UGT2A2: variants seen among roughly 807,000 people sequenced by gnomAD.
The protein encoded by UGT2A2 is UDP-glucuronosyltransferase 2A2.
Under a neutral mutation model 50.7 loss-of-function variants are expected in UGT2A2, and 60 were observed. The observed-to-expected ratio is 1.18, with a 90% confidence interval of 0.96 to 1.47. The LOEUF is 1.47. Among genes scored for constraint, UGT2A2 ranks in the 40% most tolerant of loss-of-function variants. UGT2A2 has a pLI of 0.00. For synonymous variants in UGT2A2, 242 were observed against 214.6 expected (o/e 1.13, Z -1.11); for missense variants, 762 against 634.0 (o/e 1.20, Z -2.17).
chr4:69,604,881 T>C (rs925593992), intron 1 of UGT2A2, among the ~76,000 whole-genome samples: 2 of 136,748 alleles, frequency 1.5e-5, no homozygotes, highest in African/African-American at 5.9e-5. Context: ...CTGTCCTAAA[T>C]ATATATGCAC....
chr4:69,590,559 G>A (rs560304730), intron 5 of UGT2A2, among the ~76,000 whole-genome samples: 57 of 152,054 alleles, frequency 3.7e-4, no homozygotes, highest in African/African-American at 1.3e-3. Context: ...TTAGGACTGG[G>A]GAATGGGGAA....
At chr4:69,617,164 A>T (rs1720452706) in intron 1 of UGT2A2, among the ~76,000 whole-genome samples, 1 of 151,946 alleles carries the variant, frequency 6.6e-6, no homozygotes, top group South Asian at 2.1e-4. Flanking sequence ...CACTTTCAAA[A>T]CTATAAAACA....
At chr4:69,630,535 AC>A (rs1721325747) in intron 1 of UGT2A2, among the ~76,000 whole-genome samples, 1 of 152,110 alleles carries the variant, frequency 6.6e-6, no homozygotes, top group Non-Finnish European at 1.5e-5. Flanking sequence ...ACTCTAAGCT[AC>A]TACAAATCAC....
In UGT2A2 at chr4:69,600,620, A is replaced by T. The variant is rs150354237; in HGVS notation, c.743-1226T>A. On this transcript the variant is annotated intron_variant, in intron 1 of 5. Transcript: ENST00000604629. ...ATAAAGAAATACTTGAAACTGAGTA[A>T]TTTATTTTTTTAAAAAGAGGTTTAA... 6.5e-3 allele frequency among the ~76,000 whole-genome samples: 990 copies of T among 152,206 alleles called. 14 individuals carry two copies. The highest frequency in any genetic ancestry group is 0.021 in the African/African-American group (867 of 41,528).
intron 1 of UGT2A2, among the ~76,000 whole-genome samples, chr4:69,609,226 C>A (rs1424266624): frequency 6.6e-6 from 1 of 151,146 alleles, no homozygotes; most frequent in Non-Finnish European, 1.5e-5. Flanking sequence ...CAACACAGCT[C>A]ACTGCAGCCT....
intron 1 of UGT2A2, among the ~76,000 whole-genome samples, chr4:69,618,461 T>A (rs1178498223): frequency 6.6e-6 from 1 of 151,940 alleles, no homozygotes; most frequent in East Asian, 1.9e-4. Flanking sequence ...AACACATTTC[T>A]AACTTTGTTT....
chr4:69,608,181 C>A (rs781219176), intron 1 of UGT2A2, among the ~76,000 whole-genome samples: 4 of 152,054 alleles, frequency 2.6e-5, no homozygotes, highest in African/African-American at 9.7e-5. Flanking sequence ...AAATGTCCAA[C>A]AATGATAGAC....
chr4:69,598,331 T>C (rs1472463905), intron 2 of UGT2A2, among the ~76,000 whole-genome samples: 1 of 152,166 alleles, frequency 6.6e-6, no homozygotes, highest in Non-Finnish European at 1.5e-5. Flanking sequence ...TAATAGCCTG[T>C]TTCCTCACTC....
intron 1 of UGT2A2, among the ~76,000 whole-genome samples, chr4:69,630,934 A>G (rs1721346249): frequency 6.6e-6 from 1 of 152,060 alleles, no homozygotes; most frequent in South Asian, 2.1e-4. Flanking sequence ...AGAATACACG[A>G]CTAAGTGGCA....
chr4:69,607,049 A>G (rs1377498227), intron 1 of UGT2A2, among the ~76,000 whole-genome samples: 2 of 119,554 alleles, frequency 1.7e-5, no homozygotes, highest in African/African-American at 3.5e-5. Context: ...GACTTTCTTC[A>G]CAGAATTGGA....
At chr4:69,601,560 C>T (rs1037421430) in intron 1 of UGT2A2, among the ~76,000 whole-genome samples, 1 of 152,158 alleles carries the variant, frequency 6.6e-6, no homozygotes, top group Admixed American at 6.6e-5. Context: ...TCTGCATGAC[C>T]TCAGCTATCA....
intron 1 of UGT2A2, among the ~76,000 whole-genome samples, chr4:69,618,014 T>A (rs1720500794): frequency 6.6e-6 from 1 of 151,982 alleles, no homozygotes; most frequent in Admixed American, 6.6e-5. Flanking sequence ...GAGAGAAAAT[T>A]TTCCAGGCCT....
At chr4:69,597,824 T>C (rs1719028838) in intron 2 of UGT2A2, among the ~76,000 whole-genome samples, 1 of 152,134 alleles carries the variant, frequency 6.6e-6, no homozygotes, top group Admixed American at 6.5e-5. Flanking sequence ...GTATTCTGTG[T>C]ACCCAGTGAT....
intron 1 of UGT2A2, among the ~76,000 whole-genome samples, chr4:69,631,079 C>G (rs147408123): frequency 6.6e-6 from 1 of 152,166 alleles, no homozygotes; most frequent in African/African-American, 2.4e-5. Context: ...ACACTACTTT[C>G]TCATTTGAAA....
At position 69,599,266 on chromosome 4, in the gene UGT2A2, G is replaced by T. The variant is rs767014856; in HGVS notation, c.871C>A (p.Pro291Thr). 2.5e-6 allele frequency: 4 copies of T among 1,613,424 alleles called. No homozygotes were observed. The African/African-American group carries it at 4.0e-5, about 16-fold the overall frequency. ...FEFVGGLHCKPAKPLPKEMEE... is the reference protein window; with the variant it reads ...FEFVGGLHCKTAKPLPKEMEE... ...CCTACCTTAGGTAAAGGTTTGGCAGGTTTGCAGTGCAATCCTCCAACAAAC... is the reference window on the plus strand; with the variant it reads ...CCTACCTTAGGTAAAGGTTTGGCAGTTTTGCAGTGCAATCCTCCAACAAAC... Residue 291 changes from proline to threonine, a missense_variant, in exon 2 of 6, where the codon CCT becomes ACT. By Grantham distance (38) the Pro-to-Thr change is conservative. Coordinates refer to ENST00000604629, the MANE Select transcript of UGT2A2 (RefSeq NM_001105677.2).
At position 69,636,935 on chromosome 4, in the gene UGT2A2, G is replaced by A. The variant is rs188359399; in HGVS notation, c.742+1964C>T. Among the ~76,000 whole-genome samples, 486 of 152,190 alleles carry A rather than the reference G, an allele frequency of 3.2e-3. 2 individuals are homozygous for A. Among genetic ancestry groups the A allele is most frequent in the Non-Finnish European group, 4.6e-3 (314 of 68,002 alleles). On this transcript the variant is annotated intron_variant, in intron 1 of 5. Coordinates refer to ENST00000604629, the MANE Select transcript of UGT2A2 (RefSeq NM_001105677.2). ...TAGCCAGTGGAACCTGAAGCCACATGCATTTTTCAGGACCCTTCACCTTGT... is the reference window on the plus strand; with the variant it reads ...TAGCCAGTGGAACCTGAAGCCACATACATTTTTCAGGACCCTTCACCTTGT...
chr4:69,628,685 A>T (rs1721223730), intron 1 of UGT2A2, among the ~76,000 whole-genome samples: 1 of 150,148 alleles, frequency 6.7e-6, no homozygotes, highest in South Asian at 2.1e-4. Context: ...AAATGGGAGA[A>T]AAAAATAAAA....
In UGT2A2 at chr4:69,639,421, G is replaced by A. The variant is rs539863780; in HGVS notation, c.220C>T (p.Pro74Ser). ...ACTTCAAAATTCACAGGAGAATCGG[G>A]ATTGGAGTTGATGAATAGAGTTGCT... ...SSATLFINSN[P>S]DSPVNFEVIP... Residue 74 changes from proline to serine, a missense_variant, in exon 1 of 6, where the codon CCC becomes TCC. Transcript: ENST00000604629. The A allele has an allele frequency of 6.2e-7, 1 of 1,613,242 alleles. No homozygotes were observed. Among genetic ancestry groups the A allele is most frequent in the Non-Finnish European group, 8.5e-7 (1 of 1,179,564 alleles).
intron 1 of UGT2A2, among the ~76,000 whole-genome samples, chr4:69,637,928 C>A (rs200492135): frequency 4.0e-4 from 47 of 117,092 alleles, no homozygotes; most frequent in Admixed American, 2.1e-3. Flanking sequence ...GGCAGGCAGG[C>A]AGGAAGGAAG....
Sources: gnomAD v4.1 joint callset for allele counts (sites outside exome capture counted in the v4.1 genomes callset) on GRCh38, gnomAD v4.1.1 for gene constraint, MANE v1.5 for transcripts, NCBI Gene and HGNC (gene_info 2026-07-23, HGNC 2026-07-21) for gene names.